The following PXDN variants were observed in gnomAD, a reference collection of about 807,000 sequenced individuals.
The protein encoded by PXDN is peroxidasin, also known as peroxidasin homolog.
A neutral mutation model predicts 140.3 loss-of-function variants in PXDN; 77 were observed. The observed-to-expected ratio is 0.55, with a 90% CI of 0.46 to 0.66. The LOEUF is 0.66. Ranked by LOEUF, PXDN falls within the 30% of genes least tolerant of loss-of-function variation. The pLI, the probability that PXDN is intolerant of heterozygous loss-of-function variation, is 0.00. For missense variants in PXDN, 1,838 were observed against 2,039.5 expected, an observed-to-expected ratio of 0.90 and a Z score of 1.90; for synonymous variants, 911 against 857.4, an observed-to-expected ratio of 1.06 and a Z score of -1.09.
chr2:1,714,879 G>A lies in PXDN; in HGVS notation c.201-21745C>T, dbSNP rs1684860341. On this transcript the variant is annotated intron_variant, in intron 1 of 22. Coordinates refer to ENST00000252804, the MANE Select transcript of PXDN (RefSeq NM_012293.3). This position sits in a 1 kb window ranked among gnomAD's most constrained non-coding sequence, Gnocchi z 4.3. ...GTCCCTCTCCAGGCTCTGGGAGCCT[G>A]GCCTGGCGCCCTGTCTTGCTCACCC... is the stretch of plus-strand genomic sequence containing the variant. Among the ~76,000 whole-genome samples the A allele has an allele frequency of 6.6e-6, 1 of 152,138 alleles. No homozygotes were observed. The highest frequency in any genetic ancestry group is 2.4e-5 in the African/African-American group (1 of 41,416).
At chr2:1,699,297 A>T (rs1684366197) in intron 1 of PXDN, among the ~76,000 whole-genome samples, 1 of 152,258 alleles carries the variant, frequency 6.6e-6, no homozygotes, top group African/African-American at 2.4e-5. Flanking sequence ...GTCACTAAAG[A>T]TTATGTTATA....
intron 21 of PXDN, among the ~76,000 whole-genome samples, chr2:1,638,604 C>T (rs1043893418): frequency 6.6e-6 from 1 of 152,176 alleles, no homozygotes; most frequent in Admixed American, 6.5e-5. Context: ...GTCACACGGC[C>T]GTGACACAGA....
rs74811108 is a variant in PXDN, at chr2:1,680,416, C to G, written c.561-54G>C. The G allele has an allele frequency of 0.01, 16,133 of 1,596,684 alleles. 658 individuals are homozygous for G. In the East Asian group the frequency reaches 0.14, roughly 13 times the overall value. The stretch of plus-strand genomic sequence containing the variant: ...ACATGGGGTGGCTGGGCTTGTCCAT[C>G]CATCCATCAGACAGGGCTTCCAGGT... On this transcript the variant is annotated intron_variant, in intron 6 of 22. Transcript: ENST00000252804.
chr2:1,708,906 A>G (rs1443839471), intron 1 of PXDN, among the ~76,000 whole-genome samples: 1 of 152,114 alleles, frequency 6.6e-6, no homozygotes, highest in African/African-American at 2.4e-5. Context: ...TTTTTTAAGG[A>G]GTCACTGATG....
At chr2:1,686,596 C>A (rs1314473812) in intron 4 of PXDN, among the ~76,000 whole-genome samples, 2 of 152,180 alleles carry the variant, frequency 1.3e-5, no homozygotes, top group African/African-American at 2.4e-5. Flanking sequence ...TGCAAGCTCT[C>A]CCTACATCTG....
intron 15 of PXDN, 142 bp downstream of exon 15, chr2:1,654,258 T>C (rs1683077868): frequency 3.3e-6 from 2 of 609,632 alleles, no homozygotes; most frequent in Non-Finnish European, 5.6e-6. Flanking sequence ...ATGTTGTTCA[T>C]GATTTTTAAA....
chr2:1,674,388 A>G (rs545080847), intron 8 of PXDN, among the ~76,000 whole-genome samples: 12 of 152,146 alleles, frequency 7.9e-5, no homozygotes, highest in African/African-American at 2.9e-4. Flanking sequence ...ATTTTAACAA[A>G]CAGTGCCTGC....
intron 1 of PXDN, among the ~76,000 whole-genome samples, chr2:1,711,058 G>A (rs1457499233): frequency 1.2e-4 from 3 of 24,600 alleles, no homozygotes; most frequent in African/African-American, 3.3e-4. Flanking sequence ...ACCAGCACCC[G>A]CTCCACAAGC....
intron 1 of PXDN, among the ~76,000 whole-genome samples, chr2:1,726,141 C>A (rs1167139995): frequency 2.6e-5 from 4 of 152,030 alleles, no homozygotes; most frequent in South Asian, 4.2e-4. Context: ...ATGTTTATTG[C>A]GGCACTATTC....
At chr2:1,664,888 C>T in intron 11 of PXDN, 70 bp downstream of exon 11, 1 of 1,322,600 alleles carries the variant, frequency 7.6e-7, no homozygotes, top group Non-Finnish European at 1.1e-6. Flanking sequence ...TGCCTGGGCA[C>T]AGTGGAAATG....
chr2:1,722,048 A>G (rs1476109421), intron 1 of PXDN, among the ~76,000 whole-genome samples: 1 of 152,220 alleles, frequency 6.6e-6, no homozygotes, highest in Non-Finnish European at 1.5e-5. Flanking sequence ...GTGCTAAATA[A>G]GACAGTTTTA....
chr2:1,635,195 A>G (rs1383348872), intron 22 of PXDN, among the ~76,000 whole-genome samples: 1 of 152,136 alleles, frequency 6.6e-6, no homozygotes, highest in African/African-American at 2.4e-5. Context: ...GGGTTGGACC[A>G]TGCTGAGGTT....
In PXDN at chr2:1,744,279, G is replaced by A; in HGVS notation, c.177C>T (p.Ala59=). 1.3e-6 allele frequency: 2 copies of A among 1,519,406 alleles called. No individual in the cohort carries two copies. The highest frequency in any genetic ancestry group is 2.5e-5 in the East Asian group (1 of 39,224). 94.1% of individuals were successfully genotyped at this position (1,519,406 alleles called of 1,614,324 possible). Residue 59 remains alanine, a synonymous_variant, in exon 1 of 23, where the codon GCC becomes GCT. Coordinates refer to ENST00000252804, the MANE Select transcript of PXDN (RefSeq NM_012293.3). ...CMHLLLEAVP[A]VAPQTSILDL... ...ACAGGATGGAGGTCTGCGGCGCCAC[G>A]GCGGGCACGGCCTCCAGCAGCAGAT...
intron 9 of PXDN, among the ~76,000 whole-genome samples, chr2:1,671,276 T>C (rs1004039288): frequency 6.6e-6 from 1 of 152,182 alleles, no homozygotes; most frequent in South Asian, 2.1e-4. Context: ...AAAATAATTA[T>C]TTCCAACTAA....
intron 7 of PXDN, 46 bp downstream of exon 7, chr2:1,680,132 GGATGGTGTGTGTGTA>G (rs1176939762): frequency 1.4e-5 from 20 of 1,470,188 alleles, no homozygotes; most frequent in Non-Finnish European, 1.8e-5. Context: ...GTGTGTGTGT[GGATGGTGTGTGTGTA>G]GATGGTGTGA....
chr2:1,680,117 A>AGATGGTGTGTGTG, intron 7 of PXDN, 76 bp downstream of exon 7: 2 of 1,385,402 alleles, frequency 1.4e-6, no homozygotes, highest in Non-Finnish European at 2.0e-6. Flanking sequence ...TTGTGTGTGT[A>AGATGGTGTGTGTG]GATGGTGTGT....
In PXDN at chr2:1,666,496, T is replaced by C; in HGVS notation, c.1019-10A>G. 6.3e-7 allele frequency: 1 copy of C among 1,580,912 alleles called. No individual in the cohort carries two copies. Among genetic ancestry groups the C allele is most frequent in the Non-Finnish European group, 8.7e-7 (1 of 1,155,928 alleles). ...ACAAAAGTGGGTCGAGCTGTCACAA[T>C]TAAACAGAAATTCTCAATTAATTTC... is the stretch of plus-strand genomic sequence containing the variant. On this transcript the variant is annotated splice_polypyrimidine_tract_variant and intron_variant, in intron 9 of 22. Transcript: ENST00000252804.
rs913264064 is a variant in PXDN, at chr2:1,714,480, G to A, written c.201-21346C>T. 1.2e-4 allele frequency among the ~76,000 whole-genome samples: 19 copies of A among 152,010 alleles called. No homozygotes were observed. Among genetic ancestry groups the A allele is most frequent in the Non-Finnish European group, 2.1e-4 (14 of 68,008 alleles). On this transcript the variant is annotated intron_variant, in intron 1 of 22. Coordinates refer to ENST00000252804, the MANE Select transcript of PXDN (RefSeq NM_012293.3). This position sits in a 1 kb window ranked among gnomAD's most constrained non-coding sequence, Gnocchi z 4.3. ...CCCTTCCTCATCACCACCAATCCTC[G>A]CCCAGCAATGACCGCGGGTCCACGC...
intron 1 of PXDN, among the ~76,000 whole-genome samples, chr2:1,734,372 G>C (rs2125492975): frequency 6.6e-6 from 1 of 152,268 alleles, no homozygotes; most frequent in South Asian, 2.1e-4. Flanking sequence ...CTTTTGGCTG[G>C]TAGAGAACCT....
Sources: allele counts gnomAD v4.1 joint callset (sites outside exome capture counted in the v4.1 genomes callset), GRCh38; gene constraint gnomAD v4.1.1; non-coding constraint Gnocchi (gnomAD v3.1); transcripts MANE v1.5; gene names NCBI Gene and HGNC (gene_info 2026-07-23, HGNC 2026-07-21).